Variants in CD160 observed in about 807,000 individuals in gnomAD.
CD160 encodes the protein CD160 molecule.
A neutral mutation model predicts 19.2 loss-of-function variants in CD160; 11 were observed. The ratio of observed to expected loss-of-function variants is 0.57; its 90% CI spans 0.36 to 0.95. The LOEUF is 0.95. Among genes scored for constraint, CD160 ranks in the 40% least tolerant of loss-of-function variants. The pLI is 0.01. For synonymous variants in CD160, 75 were observed against 81.1 expected, an observed-to-expected ratio of 0.93 and a Z score of 0.40; for missense variants, 182 against 213.2, an observed-to-expected ratio of 0.85 and a Z score of 0.91.
intron 3 of CD160, 63 bp downstream of exon 3, chr1:145,728,463 G>A: frequency 1.9e-6 from 2 of 1,045,308 alleles, no homozygotes; most frequent in Non-Finnish European, 3.0e-6. Flanking sequence ...GGGAAGGGCT[G>A]GATCCCGTGA....
Position 145,730,952 on chromosome 1 carries a change from G to T in CD160, c.282G>T (p.Gln94His). ...GIDGVGEISSQLMFTISQVTP... is the reference protein window; with the variant it reads ...GIDGVGEISSHLMFTISQVTP... Reference sequence around the variant, plus strand: ...ATGGTGTTGGTGAAATATCATCTCAGTTGATGTTCACCATAAGCCAAGTCA... The same window carrying T: ...ATGGTGTTGGTGAAATATCATCTCATTTGATGTTCACCATAAGCCAAGTCA... Residue 94 changes from glutamine to histidine, a missense_variant, in exon 4 of 6, where the codon CAG becomes CAT. By Grantham distance (24) the Gln-to-His change is conservative. Transcript: ENST00000369288. 2 of 1,614,032 alleles carry T rather than the reference G, an allele frequency of 1.2e-6. No individual in the cohort carries two copies. Among genetic ancestry groups the T allele is most frequent in the Non-Finnish European group, 1.7e-6 (2 of 1,179,880 alleles).
chr1:145,728,492 C>T (rs1553708695), intron 3 of CD160, 92 bp downstream of exon 3: 1 of 509,322 alleles, frequency 2.0e-6, no homozygotes, highest in Admixed American at 3.0e-5. Flanking sequence ...AGTGGGGAAA[C>T]AAAGGACTCT....
intron 3 of CD160, among the ~76,000 whole-genome samples, chr1:145,729,578 C>T (rs1430100297): frequency 2.0e-5 from 3 of 152,162 alleles, no homozygotes; most frequent in Non-Finnish European, 4.4e-5. Context: ...GAGTGAGGGG[C>T]AGTACAAAGT....
At chr1:145,738,377 C>T (rs372601763) in intron 5 of CD160, 109 bp from the exon 6 acceptor site, 52 of 596,354 alleles carry the variant, frequency 8.7e-5, no homozygotes, top group Middle Eastern at 5.7e-4. Context: ...CCTTTACAGT[C>T]ATGAGGGCCT....
Position 145,730,907 on chromosome 1 carries a change from TAA to T in CD160, c.240_241del (p.Arg81GlyfsTer9), listed in dbSNP as rs782209843. 82 of 1,613,960 alleles carry T rather than the reference TAA, an allele frequency of 5.1e-5. No homozygotes were observed. Among genetic ancestry groups the T allele is most frequent in the Non-Finnish European group, 6.5e-5 (77 of 1,180,014 alleles). On this transcript the variant is annotated frameshift_variant, in exon 4 of 6. Transcript: ENST00000369288. LOFTEE classifies it high-confidence loss of function. Reference sequence around the variant, plus strand: ...AGACCAGTTTAAAACAGCTGAGACTTAAAAGGGATCCTGGGATAGATGGTGTT... The same window carrying T: ...AGACCAGTTTAAAACAGCTGAGACTTAAGGGATCCTGGGATAGATGGTGTT... ...PETSLKQLRL[K>X]RDPGIDGVGE...
intron 4 of CD160, among the ~76,000 whole-genome samples, chr1:145,731,584 C>T (rs986317199): frequency 6.6e-6 from 1 of 152,136 alleles, no homozygotes; most frequent in African/African-American, 2.4e-5. Flanking sequence ...GCAAGAGAAT[C>T]GCTTGAACCT....
intron 4 of CD160, among the ~76,000 whole-genome samples, chr1:145,734,888 T>C (rs1657419941): frequency 6.6e-6 from 1 of 151,898 alleles, no homozygotes; most frequent in Non-Finnish European, 1.5e-5. Context: ...TGGCAGATCA[T>C]TTGAGATCAG....
Position 145,730,906 on chromosome 1 carries a change from T to C in CD160, c.236T>C (p.Leu79Pro). 6.2e-7 allele frequency: 1 copy of C among 1,614,076 alleles called. No homozygotes were observed. Among genetic ancestry groups the C allele is most frequent in the Non-Finnish European group, 8.5e-7 (1 of 1,180,010 alleles). The stretch of plus-strand genomic sequence containing the variant: ...GAGACCAGTTTAAAACAGCTGAGAC[T>C]TAAAAGGGATCCTGGGATAGATGGT... ...SPETSLKQLR[L>P]KRDPGIDGVG... The change falls in exon 4 of 6, where the codon CTT becomes CCT. Residue 79 changes from leucine (L) to proline (P), a missense_variant. By Grantham distance (98) the Leu-to-Pro change is moderately conservative. Transcript: ENST00000369288.
At chr1:145,731,134 G>A in intron 4 of CD160, 64 bp downstream of exon 4, 1 of 1,297,110 alleles carries the variant, frequency 7.7e-7, no homozygotes, top group African/African-American at 1.5e-5. Flanking sequence ...CAGTGGAGAT[G>A]TAACCAGATA....
chr1:145,730,706 T>C (rs1657251757), intron 3 of CD160, 38 bp from the exon 4 acceptor site: 2 of 1,552,546 alleles, frequency 1.3e-6, no homozygotes, highest in Non-Finnish European at 8.8e-7. Context: ...CACAGAATGC[T>C]ACCTGACCTC....
In CD160 at chr1:145,734,187, C is replaced by G. The variant is rs964683506; in HGVS notation, c.401-1810C>G. On this transcript the variant is annotated intron_variant, in intron 4 of 5. Transcript: ENST00000369288. The stretch of plus-strand genomic sequence containing the variant: ...TGTTTTTCAGGTCTTCATCACCTCA[C>G]ACTTAACATATTCCTATAGTCTCCT... Among the ~76,000 whole-genome samples, 3 of 152,192 alleles carry G rather than the reference C, an allele frequency of 2.0e-5. 1 individual carries two copies. Among genetic ancestry groups the G allele is most frequent in the Non-Finnish European group, 4.4e-5 (3 of 68,036 alleles).
chr1:145,722,717 G>C (rs1419598330), intron 1 of CD160, among the ~76,000 whole-genome samples: 3 of 152,006 alleles, frequency 2.0e-5, no homozygotes, highest in Non-Finnish European at 4.4e-5. Flanking sequence ...TCAGCCTCCC[G>C]AGTAGCTGGG....
intron 4 of CD160, 21 bp downstream of exon 4, chr1:145,731,091 A>C: frequency 6.3e-7 from 1 of 1,588,820 alleles, no homozygotes; most frequent in Non-Finnish European, 8.6e-7. Flanking sequence ...AAATACTCCT[A>C]ATGCCACCAG....
intron 2 of CD160, among the ~76,000 whole-genome samples, chr1:145,726,952 C>T (rs1010503749): frequency 6.6e-6 from 1 of 152,090 alleles, no homozygotes; most frequent in South Asian, 2.1e-4. Flanking sequence ...ATAAATTGAA[C>T]ATATCCCAAT....
At position 145,731,004 on chromosome 1, in the gene CD160, TG is replaced by T. The variant is rs781915020; in HGVS notation, c.335del (p.Cys112PhefsTer29). 2 of 1,614,020 alleles carry T rather than the reference TG, an allele frequency of 1.2e-6. No individual in the cohort carries two copies. The highest frequency in any genetic ancestry group is 2.7e-5 in the African/African-American group (2 of 74,896). ...VTPLHSGTYQCCARSQKSGIR... is the reference protein window; with the variant it reads ...VTPLHSGTYQXCARSQKSGIR... ...ACCGTTGCACAGTGGGACCTACCAG[TG>T]TTGTGCCAGAAGCCAGAAGTCAGGT... On this transcript the variant is annotated frameshift_variant, in exon 4 of 6. Transcript: ENST00000369288. LOFTEE classifies it high-confidence loss of function.
chr1:145,734,752 T>C (rs1657416264), intron 4 of CD160, among the ~76,000 whole-genome samples: 1 of 152,166 alleles, frequency 6.6e-6, no homozygotes, highest in South Asian at 2.1e-4. Context: ...ATCTAGATGG[T>C]TCCCCAAGTG....
At chr1:145,730,448 G>GT (rs1365988864) in intron 3 of CD160, among the ~76,000 whole-genome samples, 1 of 152,034 alleles carries the variant, frequency 6.6e-6, no homozygotes, top group Non-Finnish European at 1.5e-5. Context: ...ATACCTAAAC[G>GT]TATTTGTTAA....
At chr1:145,738,397 G>A (rs1031195013) in intron 5 of CD160, 89 bp from the exon 6 acceptor site, 10 of 807,300 alleles carry the variant, frequency 1.2e-5, no homozygotes, top group African/African-American at 5.3e-5. Flanking sequence ...TATCACGCAC[G>A]CATCTCAGGA....
At chr1:145,723,860 G>A (rs782260519) in intron 1 of CD160, among the ~76,000 whole-genome samples, 2 of 152,038 alleles carry the variant, frequency 1.3e-5, no homozygotes, top group Non-Finnish European at 2.9e-5. Flanking sequence ...TTACAGGTGT[G>A]AGCCACCACA....
Sources: allele counts gnomAD v4.1 joint callset (sites outside exome capture counted in the v4.1 genomes callset), GRCh38; gene constraint gnomAD v4.1.1; transcripts MANE v1.5; gene names NCBI Gene and HGNC (gene_info 2026-07-23, HGNC 2026-07-21).